Variants in FTCDNL1 observed in about 807,000 individuals in gnomAD.
FTCDNL1 encodes formiminotransferase cyclodeaminase N-terminal like, also known as formiminotransferase N-terminal subdomain-containing protein.
A neutral mutation model predicts 5.9 loss-of-function variants in FTCDNL1; 11 were observed. That is an observed-to-expected ratio of 1.87 (90% CI 1.18 to 3.10). FTCDNL1 has a LOEUF of 3.10. Ranked by LOEUF, FTCDNL1 falls within the 30% of genes most tolerant of loss-of-function variation. The probability of loss-of-function intolerance (pLI) is 0.00; values close to 1 mark genes in which losing one functional copy is unlikely to be tolerated. For missense variants in FTCDNL1, 115 were observed against 65.5 expected (o/e 1.76, Z -2.61); for synonymous variants, 58 against 24.8 (o/e 2.34, Z -3.99).
the FTCDNL1 span, among the ~76,000 whole-genome samples, chr2:199,729,371 G>A: frequency 6.6e-6 from 1 of 152,188 alleles, no homozygotes; most frequent in Admixed American, 6.5e-5. Flanking sequence ...GCAAGAGAAA[G>A]AAATAAAAGG....
chr2:199,842,951 A>G (rs535002106), intron 3 of FTCDNL1, among the ~76,000 whole-genome samples: 1 of 152,186 alleles, frequency 6.6e-6, no homozygotes, highest in African/African-American at 2.4e-5. Flanking sequence ...AAAAAAAAAA[A>G]AAACTTAAAA....
the FTCDNL1 span, among the ~76,000 whole-genome samples, chr2:199,745,455 A>G: frequency 6.6e-6 from 1 of 152,190 alleles, no homozygotes; most frequent in Non-Finnish European, 1.5e-5. Context: ...CATTTCTTAG[A>G]AAGTGAATAA....
At chr2:199,839,618 C>G (rs995083664) in intron 3 of FTCDNL1, among the ~76,000 whole-genome samples, 4 of 152,090 alleles carry the variant, frequency 2.6e-5, no homozygotes, top group Non-Finnish European at 4.4e-5. Flanking sequence ...GGGATGGAAA[C>G]AGACCCATAC....
chr2:199,774,877 G>T (rs1045608920), intron 3 of FTCDNL1, among the ~76,000 whole-genome samples: 1 of 152,092 alleles, frequency 6.6e-6, no homozygotes. Flanking sequence ...GTCATTCACT[G>T]TCTTTCTCCA....
At chr2:199,816,772 C>T (rs1284112980) in intron 4 of FTCDNL1, among the ~76,000 whole-genome samples, 1 of 152,104 alleles carries the variant, frequency 6.6e-6, no homozygotes, top group Non-Finnish European at 1.5e-5. Flanking sequence ...ACAATACGGC[C>T]CCATTCTAGA....
the FTCDNL1 span, among the ~76,000 whole-genome samples, chr2:199,668,282 CT>C: frequency 3.3e-5 from 5 of 152,008 alleles, no homozygotes; most frequent in African/African-American, 1.2e-4. Flanking sequence ...TCTGAAATAC[CT>C]TAAAAATAGT....
At chr2:199,709,247 C>A in the FTCDNL1 span, among the ~76,000 whole-genome samples, 1 of 152,078 alleles carries the variant, frequency 6.6e-6, no homozygotes, top group Non-Finnish European at 1.5e-5. Context: ...GACTCTGACT[C>A]TGAGCTCAGA....
intron 2 of FTCDNL1, among the ~76,000 whole-genome samples, chr2:199,846,551 T>C (rs1389271048): frequency 6.6e-6 from 1 of 152,210 alleles, no homozygotes; most frequent in African/African-American, 2.4e-5. Flanking sequence ...CAATATTTCC[T>C]TCCAAAATCC....
intron 3 of FTCDNL1, among the ~76,000 whole-genome samples, chr2:199,766,614 A>G (rs565296472): frequency 2.6e-5 from 4 of 152,334 alleles, no homozygotes; most frequent in Admixed American, 2.6e-4. Context: ...GTAATATTTC[A>G]TTTTCTAAGT....
At chr2:199,698,607 T>G in the FTCDNL1 span, among the ~76,000 whole-genome samples, 2 of 152,166 alleles carry the variant, frequency 1.3e-5, no homozygotes, top group African/African-American at 4.8e-5. Context: ...TACCAGAATC[T>G]CTGGGACACA....
chr2:199,841,391 A>C (rs887757236), intron 3 of FTCDNL1, among the ~76,000 whole-genome samples: 18 of 152,002 alleles, frequency 1.2e-4, no homozygotes, highest in Admixed American at 9.2e-4. Context: ...GTCTCAAAAA[A>C]TAAATAAATA....
intron 1 of FTCDNL1, 32 bp from the exon 2 acceptor site, chr2:199,849,001 T>C (rs1292988516): frequency 8.8e-6 from 6 of 685,020 alleles, no homozygotes; most frequent in Non-Finnish European, 1.3e-5. Flanking sequence ...TATGTGTCTC[T>C]AGAGTTGATT....
intron 3 of FTCDNL1, among the ~76,000 whole-genome samples, chr2:199,773,410 C>G (rs559434823): frequency 1.3e-5 from 2 of 152,306 alleles, no homozygotes; most frequent in South Asian, 4.1e-4. Context: ...ACCCTGTATC[C>G]AGAAGTACTC....
the FTCDNL1 span, among the ~76,000 whole-genome samples, chr2:199,731,887 C>CA: frequency 0.019 from 2,259 of 117,392 alleles, 30 homozygotes; most frequent in South Asian, 0.034. Flanking sequence ...GACTCCGTCT[C>CA]AAAAAAAAAA....
chr2:199,743,724 AT>A, the FTCDNL1 span, among the ~76,000 whole-genome samples: 1 of 152,138 alleles, frequency 6.6e-6, no homozygotes, highest in East Asian at 1.9e-4. Context: ...GCCATCGTTA[AT>A]AAAATGAGGT....
At chr2:199,783,138 T>C (rs1699454988) in intron 3 of FTCDNL1, among the ~76,000 whole-genome samples, 1 of 152,220 alleles carries the variant, frequency 6.6e-6, no homozygotes, top group Admixed American at 6.5e-5. Context: ...TGAAGCAGCA[T>C]TGCCTACTGT....
chr2:199,817,489 A>ACATGT (rs1701417656), intron 4 of FTCDNL1, among the ~76,000 whole-genome samples: 2 of 152,312 alleles, frequency 1.3e-5, no homozygotes, highest in African/African-American at 4.8e-5. Flanking sequence ...GAGTAAAAAC[A>ACATGT]GAGAATAAAA....
intron 2 of FTCDNL1, 129 bp downstream of exon 2, chr2:199,848,719 T>G: frequency 1.7e-6 from 1 of 572,520 alleles, no homozygotes; most frequent in Non-Finnish European, 3.1e-6. Context: ...CTGCAACAGC[T>G]CAAGAGCAAG....
At chr2:199,723,445 C>T in the FTCDNL1 span, among the ~76,000 whole-genome samples, 257 of 152,228 alleles carry the variant, frequency 1.7e-3, no homozygotes, top group African/African-American at 5.9e-3. Flanking sequence ...CAAGAGAGGG[C>T]CGCCTTATCT....
Sources: allele counts gnomAD v4.1 joint callset (sites outside exome capture counted in the v4.1 genomes callset), GRCh38; gene constraint gnomAD v4.1.1; transcripts MANE v1.5; gene names NCBI Gene and HGNC (gene_info 2026-07-23, HGNC 2026-07-21).